TYR: variants seen among roughly 807,000 people sequenced by gnomAD.
The protein encoded by TYR is tyrosinase, also known as LB24-AB.
A neutral mutation model predicts 51.5 loss-of-function variants in TYR; 58 were observed. The observed-to-expected ratio is 1.13, with a 90% CI of 0.91 to 1.40. The LOEUF (loss-of-function observed/expected upper bound fraction) is 1.40, where lower values mean the gene tolerates loss of function less well. Among genes scored for constraint, TYR ranks in the 40% most tolerant of loss-of-function variants. The pLI, the probability that TYR is intolerant of heterozygous loss-of-function variation, is 0.00. For missense variants in TYR, 732 were observed against 647.4 expected (o/e 1.13, Z -1.42); for synonymous variants, 263 against 235.2 (o/e 1.12, Z -1.08).
At chr11:89,199,980 C>A (rs1394268549) in intron 2 of TYR, among the ~76,000 whole-genome samples, 2 of 152,196 alleles carry the variant, frequency 1.3e-5, no homozygotes, top group Non-Finnish European at 2.9e-5. Flanking sequence ...ATAGACATTT[C>A]ACTTCCTTGG....
chr11:89,293,336 T>TAC (rs59899373), intron 4 of TYR, among the ~76,000 whole-genome samples: 32,052 of 147,440 alleles, frequency 0.22, 4,419 homozygotes, highest in Middle Eastern at 0.38. Flanking sequence ...ATTTTATGCA[T>TAC]ACACACACAC....
At chr11:89,292,168 A>G (rs905281) in intron 4 of TYR, among the ~76,000 whole-genome samples, 3 of 152,064 alleles carry the variant, frequency 2.0e-5, no homozygotes, top group South Asian at 2.1e-4. Flanking sequence ...ATCCTTTTGT[A>G]TATGTCTGCC....
chr11:89,179,949 A>C (rs1036537699), intron 1 of TYR, among the ~76,000 whole-genome samples: 1 of 152,170 alleles, frequency 6.6e-6, no homozygotes, highest in Non-Finnish European at 1.5e-5. Context: ...CAATATGTGA[A>C]TGGGATGGGA....
At chr11:89,228,353 A>T (rs3793974) in intron 3 of TYR, among the ~76,000 whole-genome samples, 34,903 of 152,120 alleles carry the variant, frequency 0.23, 6,318 homozygotes, top group African/African-American at 0.5. Flanking sequence ...TGGCTACAGG[A>T]TGCCCTGAGG....
intron 2 of TYR, among the ~76,000 whole-genome samples, chr11:89,199,528 G>A (rs1315816053): frequency 6.6e-6 from 1 of 152,108 alleles, no homozygotes; most frequent in East Asian, 1.9e-4. Flanking sequence ...GTCCTTTAGG[G>A]TCAATGAAAA....
At chr11:89,275,280 G>C (rs1237972081) in intron 3 of TYR, among the ~76,000 whole-genome samples, 1 of 151,864 alleles carries the variant, frequency 6.6e-6, no homozygotes, top group Non-Finnish European at 1.5e-5. Context: ...TGAAAGGCCT[G>C]CTAATGCTTG....
chr11:89,233,670 A>T (rs1312355228), intron 3 of TYR, among the ~76,000 whole-genome samples: 3 of 142,448 alleles, frequency 2.1e-5, no homozygotes, highest in Non-Finnish European at 4.5e-5. Context: ...CTCCTAGTAT[A>T]TCTTCCTCAG....
At chr11:89,251,982 G>A (rs1359376435) in intron 3 of TYR, among the ~76,000 whole-genome samples, 3 of 151,758 alleles carry the variant, frequency 2.0e-5, no homozygotes, top group African/African-American at 4.8e-5. Context: ...CTTAAGTTGC[G>A]TCGCCTTCAG....
chr11:89,241,841 C>T (rs1422749961), intron 3 of TYR, among the ~76,000 whole-genome samples: 1 of 147,022 alleles, frequency 6.8e-6, no homozygotes, highest in Non-Finnish European at 1.5e-5. Flanking sequence ...ATATATATTT[C>T]ATATTAATAT....
Position 89,189,353 on chromosome 11 carries a change from T to C in TYR, c.820-1849T>C, listed in dbSNP as rs114173069. 3.6e-3 allele frequency among the ~76,000 whole-genome samples: 549 copies of C among 152,146 alleles called. 5 individuals carry two copies. Among genetic ancestry groups the C allele is most frequent in the African/African-American group, 0.012 (514 of 41,532 alleles). The stretch of plus-strand genomic sequence containing the variant: ...TGAGAAATTCTTATTTTTAAGACGG[T>C]ATTTCTACAATGAAAATCACCTTGG... On this transcript the variant is annotated intron_variant, in intron 1 of 4. Coordinates refer to ENST00000263321, the MANE Select transcript of TYR (RefSeq NM_000372.5).
chr11:89,245,983 C>T (rs1186298633), intron 3 of TYR, among the ~76,000 whole-genome samples: 2 of 151,644 alleles, frequency 1.3e-5, no homozygotes, highest in Admixed American at 6.6e-5. Context: ...AAACAGTGGG[C>T]CAAAATTTAA....
rs182208988 is a variant in TYR at position 89,271,588 on chromosome 11, G to A, written c.1185-13185G>A. 4.3e-4 allele frequency among the ~76,000 whole-genome samples: 65 copies of A among 151,986 alleles called. 1 individual carries two copies. Among genetic ancestry groups the A allele is most frequent in the African/African-American group, 1.5e-3 (61 of 41,524 alleles). On this transcript the variant is annotated intron_variant, in intron 3 of 4. Coordinates refer to ENST00000263321, the MANE Select transcript of TYR (RefSeq NM_000372.5). ...AGGTTGATGGTTGCTGACTGATCAG[G>A]GTGATGGCTGCTGAAGTTTGGAGTG...
At chr11:89,184,887 G>C (rs2135247438) in intron 1 of TYR, among the ~76,000 whole-genome samples, 1 of 152,240 alleles carries the variant, frequency 6.6e-6, no homozygotes, top group South Asian at 2.1e-4. Context: ...GGTTCTCTAA[G>C]CATTTCTTAT....
chr11:89,189,255 A>G (rs1318848427), intron 1 of TYR, among the ~76,000 whole-genome samples: 1 of 152,070 alleles, frequency 6.6e-6, no homozygotes, highest in African/African-American at 2.4e-5. Context: ...GTGAAGCGAA[A>G]TGTATTGTTT....
chr11:89,281,373 A>G (rs1374673760), intron 3 of TYR, among the ~76,000 whole-genome samples: 3 of 151,646 alleles, frequency 2.0e-5, no homozygotes, highest in Non-Finnish European at 3.0e-5. Flanking sequence ...TCCCTGTAAC[A>G]GAGTAAGGAG....
intron 1 of TYR, among the ~76,000 whole-genome samples, chr11:89,190,984 T>C (rs2135252842): frequency 6.6e-6 from 1 of 152,262 alleles, no homozygotes; most frequent in South Asian, 2.1e-4. Flanking sequence ...TATACCATTC[T>C]AGGTTTGTGC....
Position 89,178,042 on chromosome 11 carries a change from T to A in TYR, c.89T>A (p.Leu30Gln). The A allele has an allele frequency of 6.2e-7, 1 of 1,614,144 alleles. No homozygotes were observed. The highest frequency in any genetic ancestry group is 1.1e-5 in the South Asian group (1 of 91,086). Residue 30 changes from leucine to glutamine, a missense_variant, in exon 1 of 5, where the codon CTG becomes CAG. Coordinates refer to ENST00000263321, the MANE Select transcript of TYR (RefSeq NM_000372.5). Reference sequence around the variant, plus strand: ...AGAGCCTGTGTCTCCTCTAAGAACCTGATGGAGAAGGAATGCTGTCCACCG... The same window carrying A: ...AGAGCCTGTGTCTCCTCTAAGAACCAGATGGAGAAGGAATGCTGTCCACCG... Reference protein sequence around the residue: ...FPRACVSSKNLMEKECCPPWS... With the variant: ...FPRACVSSKNQMEKECCPPWS...
intron 3 of TYR, among the ~76,000 whole-genome samples, chr11:89,256,244 A>G (rs1207079960): frequency 4.6e-5 from 7 of 151,830 alleles, no homozygotes; most frequent in Admixed American, 4.6e-4. Flanking sequence ...GGATGTGTGA[A>G]CGTAAGTTAT....
rs61754362 is a variant in TYR, at chr11:89,178,566, C to A, written c.613C>A (p.Pro205Thr). 145 of 1,614,020 alleles carry A rather than the reference C, an allele frequency of 9.0e-5. No individual in the cohort carries two copies. Among genetic ancestry groups the A allele is most frequent in the Non-Finnish European group, 1.2e-4 (136 of 1,180,034 alleles). The change falls in exon 1 of 5, where the codon CCA becomes ACA. Residue 205 changes from proline to threonine, a missense_variant. Coordinates refer to ENST00000263321, the MANE Select transcript of TYR (RefSeq NM_000372.5). ...WRDIDFAHEAPAFLPWHRLFL... is the reference protein window; with the variant it reads ...WRDIDFAHEATAFLPWHRLFL... Reference sequence around the variant, plus strand: ...AGACATTGATTTTGCCCATGAAGCACCAGCTTTTCTGCCTTGGCATAGACT... The same window carrying A: ...AGACATTGATTTTGCCCATGAAGCAACAGCTTTTCTGCCTTGGCATAGACT...
Sources: allele counts gnomAD v4.1 joint callset (sites outside exome capture counted in the v4.1 genomes callset), GRCh38; gene constraint gnomAD v4.1.1; transcripts MANE v1.5; gene names NCBI Gene and HGNC (gene_info 2026-07-23, HGNC 2026-07-21).